Variants in SRFBP1 observed in about 807,000 individuals in gnomAD.
The protein encoded by SRFBP1 is serum response factor-binding protein 1.
A neutral mutation model predicts 45.5 loss-of-function variants in SRFBP1; 47 were observed. The ratio of observed to expected loss-of-function variants is 1.03; its 90% confidence interval spans 0.82 to 1.32. SRFBP1 has a LOEUF of 1.32. SRFBP1 is among the 40% of genes most tolerant of loss of function. The pLI is 0.00. For synonymous variants in SRFBP1, 203 were observed against 166.3 expected, an observed-to-expected ratio of 1.22 and a Z score of -1.70; for missense variants, 621 against 484.6, an observed-to-expected ratio of 1.28 and a Z score of -2.64.
chr5:121,971,582 G>C (rs1399104099), intron 1 of SRFBP1, among the ~76,000 whole-genome samples: 1 of 151,974 alleles, frequency 6.6e-6, no homozygotes, highest in Non-Finnish European at 1.5e-5. Context: ...TAAAAGGAGT[G>C]ATCTCAGCTG....
Position 122,007,443 on chromosome 5 carries a change from T to C in SRFBP1, c.271-11817T>C, listed in dbSNP as rs578078020. Among the ~76,000 whole-genome samples, 8 of 152,048 alleles carry C rather than the reference T, an allele frequency of 5.3e-5. No homozygotes were observed. The South Asian group carries it at 1.5e-3, about 28-fold the overall frequency. On this transcript the variant is annotated intron_variant, in intron 4 of 7. Coordinates refer to ENST00000339397, the MANE Select transcript of SRFBP1 (RefSeq NM_152546.3). ...CACGGTGCTGGTCGAAACTTAATAT[T>C]GCTGGTGCTGACATGGTGTCTGGAG... is the stretch of plus-strand genomic sequence containing the variant.
At chr5:122,021,132 A>G (rs1000293916) in intron 6 of SRFBP1, among the ~76,000 whole-genome samples, 1 of 152,232 alleles carries the variant, frequency 6.6e-6, no homozygotes, top group African/African-American at 2.4e-5. Context: ...TATCTTTCTA[A>G]ACAGAACTTT....
In SRFBP1 at chr5:122,020,091, C is replaced by T. The variant is rs377074067; in HGVS notation, c.356C>T (p.Ala119Val). 84 of 1,543,284 alleles carry T rather than the reference C, an allele frequency of 5.4e-5. No homozygotes were observed. Among genetic ancestry groups the T allele is most frequent in the Non-Finnish European group, 7.0e-5 (80 of 1,148,836 alleles). Residue 119 changes from alanine (A) to valine (V), a missense_variant, in exon 6 of 8, where the codon GCT becomes GTT. By Grantham distance (64) the Ala-to-Val change is moderately conservative. Coordinates refer to ENST00000339397, the MANE Select transcript of SRFBP1 (RefSeq NM_152546.3). Reference sequence around the variant, plus strand: ...TGATGCACTGTTTCTCTTGCAGCTGCTGTACAAGCCTTTAAAGAAGCAAGA... The same window carrying T: ...TGATGCACTGTTTCTCTTGCAGCTGTTGTACAAGCCTTTAAAGAAGCAAGA... ...LKKKIDVLKA[A>V]VQAFKEARQN... is the part of the protein sequence containing the mutation.
chr5:122,077,672 C>A (rs1407044026), downstream of SRFBP1: 14 of 1,603,670 alleles, frequency 8.7e-6, no homozygotes, highest in Non-Finnish European at 1.1e-5. The surrounding 1 kb of genome is among the most constrained non-coding windows in gnomAD (Gnocchi z 4.9). Context: ...GCCGGCCGTC[C>A]GCGTTCGCGC....
chr5:121,980,092 A>AT lies in SRFBP1; in HGVS notation c.198+4705_198+4706insT, dbSNP rs1413016875. Among the ~76,000 whole-genome samples the AT allele has an allele frequency of 6.6e-5, 10 of 152,294 alleles. No individual in the cohort carries two copies. In the South Asian group the frequency reaches 2.1e-3, roughly 32 times the overall value. The stretch of plus-strand genomic sequence containing the variant: ...GCTAGAGTTTCCTCCTGGTAAAGGA[A>AT]GTGAATAGATCCCAAGACAGCTACT... On this transcript the variant is annotated intron_variant, in intron 3 of 7. Transcript: ENST00000339397.
At chr5:121,975,509 C>T in intron 3 of SRFBP1, 122 bp downstream of exon 3, 2 of 1,045,570 alleles carry the variant, frequency 1.9e-6, no homozygotes, top group East Asian at 2.5e-5. Context: ...CATCTTGTAT[C>T]AGTCTGTTTG....
chr5:121,982,885 T>G (rs1054126626), intron 3 of SRFBP1, among the ~76,000 whole-genome samples: 1 of 151,782 alleles, frequency 6.6e-6, no homozygotes, highest in Non-Finnish European at 1.5e-5. Flanking sequence ...GTTTTGTAAT[T>G]CTGGAAATTT....
Position 121,991,365 on chromosome 5 carries a change from T to G in SRFBP1, c.199-3234T>G, listed in dbSNP as rs17416922. 1.8e-3 allele frequency among the ~76,000 whole-genome samples: 270 copies of G among 152,224 alleles called. 1 individual carries two copies. Among genetic ancestry groups the G allele is most frequent in the Non-Finnish European group, 3.1e-3 (210 of 68,008 alleles). The stretch of plus-strand genomic sequence containing the variant: ...AAATTCTCCCTTAAAAAATAGATAT[T>G]GTGAGTTAAAATGTATGTAAATCTA... On this transcript the variant is annotated intron_variant, in intron 3 of 7. Transcript: ENST00000339397.
At chr5:122,057,939 C>A (rs1239757477) in intron 2 of SRFBP1, among the ~76,000 whole-genome samples, 1 of 152,062 alleles carries the variant, frequency 6.6e-6, no homozygotes, top group African/African-American at 2.4e-5. Flanking sequence ...TCAGCCTCCC[C>A]CAAGTGCTAA....
chr5:122,073,011 T>C (rs1754494827), intron 2 of SRFBP1, among the ~76,000 whole-genome samples: 1 of 152,208 alleles, frequency 6.6e-6, no homozygotes, highest in Non-Finnish European at 1.5e-5. Flanking sequence ...TCCTGGGGCA[T>C]GTAGAAGTTA....
rs76104817 is a variant in SRFBP1, at chr5:122,051,892, G to A, written n.312-23423G>A. The stretch of plus-strand genomic sequence containing the variant: ...TGTGATTTTGTAGTAGCTGGTAACA[G>A]TCCTTTCCGTATCGAGCACTCCTTT... On this transcript the variant is annotated intron_variant and non_coding_transcript_variant, in intron 2 of 2. Coordinates refer to the SRFBP1 transcript ENST00000504881. Among the ~76,000 whole-genome samples, 763 of 152,100 alleles carry A rather than the reference G, an allele frequency of 5.0e-3. 10 individuals carry two copies. Among genetic ancestry groups the A allele is most frequent in the African/African-American group, 0.017 (720 of 41,512 alleles).
intron 2 of SRFBP1, among the ~76,000 whole-genome samples, chr5:122,051,474 C>T (rs1753972975): frequency 6.7e-6 from 1 of 149,976 alleles, no homozygotes; most frequent in African/African-American, 2.5e-5. Flanking sequence ...GTTAGGTCTT[C>T]TTGTTGAATT....
At chr5:121,994,945 T>G (rs547659995) in intron 4 of SRFBP1, among the ~76,000 whole-genome samples, 1 of 152,012 alleles carries the variant, frequency 6.6e-6, no homozygotes, top group African/African-American at 2.4e-5. Context: ...ATCATACTAC[T>G]TAAAACTAAG....
intron 2 of SRFBP1, among the ~76,000 whole-genome samples, chr5:122,045,320 A>G (rs1276189161): frequency 6.6e-6 from 1 of 152,110 alleles, no homozygotes; most frequent in African/African-American, 2.4e-5. Context: ...TTTGTTTAAG[A>G]TTGCCTTGGC....
At chr5:122,007,746 G>A (rs1360924688) in intron 4 of SRFBP1, among the ~76,000 whole-genome samples, 1 of 150,484 alleles carries the variant, frequency 6.6e-6, no homozygotes, top group Non-Finnish European at 1.5e-5. Flanking sequence ...AACCTGGAGC[G>A]TGGGGCCTTG....
intron 6 of SRFBP1, among the ~76,000 whole-genome samples, chr5:122,021,496 G>A (rs1419712591): frequency 6.6e-6 from 1 of 152,038 alleles, no homozygotes; most frequent in Admixed American, 6.6e-5. Flanking sequence ...ATAGAAAAAT[G>A]TGATGTAAAA....
rs115666283 is a variant in SRFBP1 at position 122,044,459 on chromosome 5, A to T, written n.311+22052A>T. Among the ~76,000 whole-genome samples the T allele has an allele frequency of 7.6e-3, 1,157 of 152,034 alleles. 8 individuals are homozygous for T. The highest frequency in any genetic ancestry group is 0.015 in the South Asian group (70 of 4,804). On this transcript the variant is annotated intron_variant and non_coding_transcript_variant, in intron 2 of 2. Transcript: ENST00000504881. ...TTCCACAATGGCTGAACTAATTTAC[A>T]CTTCAACCAGTAGTGTAAGTATTCC...
chr5:122,058,841 T>C (rs1040057919), intron 2 of SRFBP1, among the ~76,000 whole-genome samples: 4 of 152,118 alleles, frequency 2.6e-5, no homozygotes, highest in African/African-American at 4.8e-5. Context: ...ACTGGTAGCA[T>C]GGTACCTCAG....
At chr5:121,986,779 G>A (rs2042878) in intron 3 of SRFBP1, among the ~76,000 whole-genome samples, 1 of 150,498 alleles carries the variant, frequency 6.6e-6, no homozygotes, top group Non-Finnish European at 1.5e-5. Context: ...ATTATTAGTG[G>A]TATTTAAAAA....
Sources: gnomAD v4.1 joint callset for allele counts (sites outside exome capture counted in the v4.1 genomes callset) on GRCh38, gnomAD v4.1.1 for gene constraint, Gnocchi (gnomAD v3.1) non-coding constraint, MANE v1.5 for transcripts, NCBI Gene and HGNC (gene_info 2026-07-23, HGNC 2026-07-21) for gene names.